TRIM2: variants seen among roughly 807,000 people sequenced by gnomAD.
TRIM2 encodes the protein tripartite motif containing 2.
Under a neutral mutation model 75.2 loss-of-function variants are expected in TRIM2, and 20 were observed. The ratio of observed to expected loss-of-function variants is 0.27; its 90% CI spans 0.19 to 0.39. The LOEUF (loss-of-function observed/expected upper bound fraction) is 0.39, where lower values mean the gene tolerates loss of function less well. Among genes scored for constraint, TRIM2 ranks in the 10% least tolerant of loss-of-function variants. The pLI is 1.00. For synonymous variants in TRIM2, 373 were observed against 388.3 expected (o/e 0.96, Z 0.46); for missense variants, 660 against 990.8 (o/e 0.67, Z 4.48).
intron 1 of TRIM2, among the ~76,000 whole-genome samples, chr4:153,239,898 G>A (rs186175483): frequency 2.7e-4 from 40 of 147,064 alleles, no homozygotes; most frequent in Admixed American, 2.5e-3. Flanking sequence ...GTGCAGTGGC[G>A]TTATCTGCAA....
chr4:153,195,823 A>AT (rs1453753292), intron 1 of TRIM2, among the ~76,000 whole-genome samples: 4 of 151,586 alleles, frequency 2.6e-5, no homozygotes, highest in Admixed American at 2.6e-4. Context: ...TTTTTTTATT[A>AT]TTTTTTGAGA....
chr4:153,247,685 A>AAAAC (rs1749606926), intron 1 of TRIM2, among the ~76,000 whole-genome samples: 2 of 150,204 alleles, frequency 1.3e-5, no homozygotes, highest in Admixed American at 1.3e-4. Context: ...CTCAAAAAAA[A>AAAAC]AAAAAAAAAA....
At chr4:153,307,283 A>C (rs1765216763) in intron 6 of TRIM2, among the ~76,000 whole-genome samples, 1 of 152,206 alleles carries the variant, frequency 6.6e-6, no homozygotes, top group African/African-American at 2.4e-5. Flanking sequence ...GGAATGAAAG[A>C]ATTACAGGTG....
chr4:153,225,993 C>T (rs1742013738), intron 1 of TRIM2, among the ~76,000 whole-genome samples: 1 of 152,180 alleles, frequency 6.6e-6, no homozygotes, highest in Non-Finnish European at 1.5e-5. Context: ...ACCTCAGCCT[C>T]CCGAGTAGCT....
chr4:153,260,059 G>A (rs1024628939), intron 1 of TRIM2, among the ~76,000 whole-genome samples: 15 of 152,126 alleles, frequency 9.9e-5, no homozygotes, highest in Middle Eastern at 3.4e-3. Flanking sequence ...AATGTGCTTC[G>A]TATATACCAG....
At chr4:153,241,347 G>T (rs1746534738) in intron 1 of TRIM2, among the ~76,000 whole-genome samples, 1 of 152,202 alleles carries the variant, frequency 6.6e-6, no homozygotes, top group African/African-American at 2.4e-5. Flanking sequence ...CACATTGTTG[G>T]AAGCCATGTG....
At chr4:153,233,472 T>G (rs1198674709) in intron 1 of TRIM2, among the ~76,000 whole-genome samples, 2 of 152,216 alleles carry the variant, frequency 1.3e-5, no homozygotes, top group African/African-American at 2.4e-5. Context: ...TTTTGACAAA[T>G]GAATATAGTT....
At chr4:153,238,585 A>G (rs1015071519) in intron 1 of TRIM2, among the ~76,000 whole-genome samples, 1 of 152,226 alleles carries the variant, frequency 6.6e-6, no homozygotes, top group Admixed American at 6.5e-5. Context: ...TAACGGTTTA[A>G]GAAAAAGAGA....
intron 1 of TRIM2, among the ~76,000 whole-genome samples, chr4:153,260,963 C>A (rs1000365449): frequency 6.6e-6 from 1 of 152,040 alleles, no homozygotes; most frequent in Non-Finnish European, 1.5e-5. Flanking sequence ...TAAGAATACC[C>A]TTTTCATCAT....
In TRIM2 at chr4:153,295,719, C is replaced by T. The variant is rs1372026681; in HGVS notation, c.1193C>T (p.Thr398Ile). The part of the protein sequence containing the change: ...GNAYLTAELS[T>I]PDGSVADGEI... ...GCCTACCTCACCGCCGAACTGAGCA[C>T]CCCCGACGGGAGCGTGGCAGACGGG... The change falls in exon 6 of 12, where the codon ACC becomes ATC. Residue 398 changes from threonine to isoleucine, a missense_variant. Physicochemically the swap from Thr to Ile is moderately conservative, Grantham distance 89 (BLOSUM62 -1). Around this residue, in one of 2 missense-constraint regions of TRIM2, gnomAD observed 620 missense variants for 891.0 expected, o/e 0.70. Transcript: ENST00000338700. This position sits in a 1 kb window ranked among gnomAD's most constrained non-coding sequence, Gnocchi z 7.2. 1 of 1,613,912 alleles carries T rather than the reference C, an allele frequency of 6.2e-7. No individual in the cohort carries two copies. The highest frequency in any genetic ancestry group is 8.5e-7 in the Non-Finnish European group (1 of 1,179,922).
chr4:153,334,540 T>C lies in TRIM2; in HGVS notation c.2164-274T>C, dbSNP rs146726588. Among the ~76,000 whole-genome samples, 236 of 152,138 alleles carry C rather than the reference T, an allele frequency of 1.6e-3. 1 individual carries two copies. Among genetic ancestry groups the C allele is most frequent in the Non-Finnish European group, 2.7e-3 (182 of 67,994 alleles). ...ACTGCACCTGGCTTATGCTAATGTT[T>C]TAAATATAAAAGCATATATACTGGG... On this transcript the variant is annotated intron_variant, in intron 11 of 11. Transcript: ENST00000338700.
At chr4:153,300,592 T>C (rs1763684868) in intron 6 of TRIM2, among the ~76,000 whole-genome samples, 1 of 152,020 alleles carries the variant, frequency 6.6e-6, no homozygotes, top group African/African-American at 2.4e-5. Flanking sequence ...GCCAGGCTGG[T>C]GTGCAGTGGC....
chr4:153,301,411 T>G (rs1240254473), intron 6 of TRIM2, among the ~76,000 whole-genome samples: 1 of 152,206 alleles, frequency 6.6e-6, no homozygotes, highest in Non-Finnish European at 1.5e-5. Context: ...GATATTAACC[T>G]CTTATCAAGA....
At chr4:153,213,566 C>T (rs866622178) in intron 1 of TRIM2, among the ~76,000 whole-genome samples, 6 of 152,098 alleles carry the variant, frequency 3.9e-5, no homozygotes, top group Admixed American at 1.3e-4. Flanking sequence ...CTCGCTCTGT[C>T]GCCCAGGCTG....
intron 1 of TRIM2, among the ~76,000 whole-genome samples, chr4:153,251,050 T>C (rs887531708): frequency 1.3e-5 from 2 of 152,240 alleles, no homozygotes. Context: ...TGGTTCCCAA[T>C]TAATCTACTC....
intron 1 of TRIM2, among the ~76,000 whole-genome samples, chr4:153,230,536 A>G (rs1434630072): frequency 6.6e-6 from 1 of 152,186 alleles, no homozygotes; most frequent in Non-Finnish European, 1.5e-5. Context: ...AAAACACACC[A>G]AACAAACACT....
At chr4:153,172,558 T>C (rs1730996646) in intron 1 of TRIM2, among the ~76,000 whole-genome samples, 1 of 152,172 alleles carries the variant, frequency 6.6e-6, no homozygotes, top group Non-Finnish European at 1.5e-5. Context: ...TTCAGGAGAT[T>C]TGGGAATTCT....
At chr4:153,298,477 C>T (rs1221579012) in intron 6 of TRIM2, among the ~76,000 whole-genome samples, 3 of 152,156 alleles carry the variant, frequency 2.0e-5, no homozygotes, top group Non-Finnish European at 1.5e-5. Flanking sequence ...TTGTCTCTTC[C>T]TCTTCTTATA....
In TRIM2 at chr4:153,171,499, T is replaced by C. The variant is rs148974463; in HGVS notation, c.-49+18229T>C. Among the ~76,000 whole-genome samples the C allele has an allele frequency of 4.4e-4, 67 of 152,248 alleles. 1 individual carries two copies. Among genetic ancestry groups the C allele is most frequent in the African/African-American group, 1.5e-3 (64 of 41,530 alleles). On this transcript the variant is annotated intron_variant, in intron 1 of 11. Coordinates refer to the TRIM2 transcript ENST00000437508. ...TACTTGGGAGGCTGAGGCAGAAGAA[T>C]CACTTGAACCCAGGAGGCAGAGTTT...
Sources: gnomAD v4.1 joint callset for allele counts (sites outside exome capture counted in the v4.1 genomes callset) on GRCh38, gnomAD v4.1.1 for gene constraint, gnomAD v4.1.1 regional missense constraint, Gnocchi (gnomAD v3.1) non-coding constraint, MANE v1.5 for transcripts, NCBI Gene and HGNC (gene_info 2026-07-23, HGNC 2026-07-21) for gene names.